Variants in RAB4B observed in about 807,000 individuals in gnomAD.
RAB4B encodes ras-related protein Rab-4B.
RAB4B carries 15 observed loss-of-function variants against 28.3 expected under a neutral mutation model. The observed-to-expected ratio is 0.53, with a 90% CI of 0.35 to 0.82. RAB4B has a LOEUF of 0.82. Among genes scored for constraint, RAB4B ranks in the 40% least tolerant of loss-of-function variants. The pLI is 0.01. For synonymous variants in RAB4B, 108 were observed against 116.3 expected, an observed-to-expected ratio of 0.93 and a Z score of 0.46; for missense variants, 244 against 288.5, an observed-to-expected ratio of 0.85 and a Z score of 1.12.
At chr19:40,792,581 T>C (rs1039854786) in intron 7 of RAB4B, 2 of 152,236 alleles carry the variant, frequency 1.3e-5, no homozygotes, top group Non-Finnish European at 2.9e-5. Flanking sequence ...AAGGACTGAC[T>C]GTAGCAGATC....
intron 5 of RAB4B, chr19:40,786,417 G>C: frequency 6.1e-6 from 3 of 488,356 alleles, no homozygotes; most frequent in Non-Finnish European, 1.1e-5. Context: ...GTCGGTACCT[G>C]ACTCAGCCCA....
chr19:40,789,018 G>A (rs2083131061), intron 7 of RAB4B, among the ~76,000 whole-genome samples: 1 of 151,772 alleles, frequency 6.6e-6, no homozygotes, highest in Non-Finnish European at 1.5e-5. Context: ...TTGACCTTGT[G>A]ATCTGCCCGC....
At chr19:40,795,169 CAA>C (rs1167818145) in intron 7 of RAB4B, among the ~76,000 whole-genome samples, 12 of 60,366 alleles carry the variant, frequency 2.0e-4, no homozygotes, top group Middle Eastern at 0.011. Context: ...GCTCCATCTC[CAA>C]AAAAAAAAAA....
At chr19:40,789,577 C>T (rs1459979366) in intron 7 of RAB4B, among the ~76,000 whole-genome samples, 1 of 148,530 alleles carries the variant, frequency 6.7e-6, no homozygotes, top group Non-Finnish European at 1.5e-5. Flanking sequence ...GATCTCGGCT[C>T]ACTGCAACCT....
intron 7 of RAB4B, among the ~76,000 whole-genome samples, chr19:40,791,702 C>A (rs994954538): frequency 6.6e-6 from 1 of 151,938 alleles, no homozygotes; most frequent in Non-Finnish European, 1.5e-5. Context: ...GGCGTGATTT[C>A]GGCTCACCGC....
intron 7 of RAB4B, among the ~76,000 whole-genome samples, chr19:40,792,807 G>A (rs1296745898): frequency 6.6e-6 from 1 of 151,866 alleles, no homozygotes; most frequent in Non-Finnish European, 1.5e-5. Context: ...TGGAGACAGA[G>A]TCTCGCTCTG....
intron 3 of RAB4B, 74 bp downstream of exon 3, chr19:40,780,573 C>CTCCAAGTGACTCT: frequency 1.6e-6 from 2 of 1,233,272 alleles, no homozygotes; most frequent in Non-Finnish European, 1.2e-6. Flanking sequence ...TGTGTAGAGT[C>CTCCAAGTGACTCT]ACTTGGAGAC....
Position 40,778,281 on chromosome 19 carries a change from GAGCCGGGGCTGT to G in RAB4B, c.-88_-77del. On this transcript the variant is annotated 5_prime_UTR_variant, in exon 1 of 8. Transcript: ENST00000357052. ...GGTGCCGGGCCCGGGGAGTAGGAAG[GAGCCGGGGCTGT>G]AGCCGGAGTGGAGCGGCTGCCAGCC... 7.8e-7 allele frequency: 1 copy of G among 1,278,206 alleles called. No individual in the cohort carries two copies. The highest frequency in any genetic ancestry group is 1.1e-6 in the Non-Finnish European group (1 of 946,940). 79.2% of individuals were successfully genotyped at this position (1,278,206 alleles called of 1,614,324 possible). A position where few individuals can be genotyped will look rare whatever the true frequency, so the allele number is the denominator to read the frequency against.
intron 3 of RAB4B, among the ~76,000 whole-genome samples, chr19:40,780,789 C>G: frequency 6.6e-6 from 1 of 151,832 alleles, no homozygotes; most frequent in South Asian, 2.1e-4. Flanking sequence ...AGTTTGAGAC[C>G]AGCCTGGGCA....
chr19:40,790,700 TCTCACTCTG>T (rs1174512381), intron 7 of RAB4B, among the ~76,000 whole-genome samples: 5 of 107,866 alleles, frequency 4.6e-5, no homozygotes, highest in African/African-American at 1.8e-4. Context: ...TTAGAGAGAA[TCTCACTCTG>T]CTCACTCTGT....
chr19:40,782,169 G>A (rs1031159896), intron 3 of RAB4B, among the ~76,000 whole-genome samples: 2 of 152,170 alleles, frequency 1.3e-5, no homozygotes, highest in African/African-American at 4.8e-5. Context: ...ACTGCCTGAG[G>A]TGCACAGAGC....
intron 7 of RAB4B, among the ~76,000 whole-genome samples, chr19:40,789,721 G>A (rs1177040550): frequency 6.7e-6 from 1 of 150,218 alleles, no homozygotes; most frequent in African/African-American, 2.5e-5. Context: ...GGTTGGTCTC[G>A]ATCTCTTGAC....
chr19:40,794,027 G>A (rs2083185228), intron 7 of RAB4B, among the ~76,000 whole-genome samples: 1 of 151,894 alleles, frequency 6.6e-6, no homozygotes, highest in East Asian at 1.9e-4. Flanking sequence ...AAGATTACAG[G>A]CATGAGCCAC....
intron 7 of RAB4B, among the ~76,000 whole-genome samples, chr19:40,791,896 G>A (rs1162339917): frequency 6.6e-6 from 1 of 152,174 alleles, no homozygotes; most frequent in Non-Finnish European, 1.5e-5. Context: ...AGCATCCAAA[G>A]TGCTGGAATT....
At chr19:40,790,147 T>G (rs2083143324) in intron 7 of RAB4B, among the ~76,000 whole-genome samples, 1 of 152,024 alleles carries the variant, frequency 6.6e-6, no homozygotes, top group South Asian at 2.1e-4. Context: ...AGGATCAGAT[T>G]CAGGGGTGCA....
At chr19:40,792,789 C>CT (rs796373074) in intron 7 of RAB4B, among the ~76,000 whole-genome samples, 9 of 151,012 alleles carry the variant, frequency 6.0e-5, no homozygotes, top group South Asian at 2.1e-4. Flanking sequence ...TTTTTCTTTT[C>CT]TTTTTTTTGG....
In RAB4B at chr19:40,786,840, C is replaced by T. The variant is rs1245474279; in HGVS notation, c.527-8C>T. The T allele has an allele frequency of 4.5e-5, 72 of 1,614,124 alleles. No homozygotes were observed. The highest frequency in any genetic ancestry group is 6.1e-5 in the Non-Finnish European group (72 of 1,179,990). On this transcript the variant is annotated splice_region_variant and splice_polypyrimidine_tract_variant and intron_variant, in intron 6 of 7. Transcript: ENST00000357052. ...GCAACCAATGCTGACCTCTCCCCTTCCCCACAGGCGAGCTAGACCCGGAGA... is the reference window on the plus strand; with the variant it reads ...GCAACCAATGCTGACCTCTCCCCTTTCCCACAGGCGAGCTAGACCCGGAGA...
In RAB4B at chr19:40,794,980, C is replaced by T. The variant is rs1407942390; in HGVS notation, c.*16-1590C>T. On this transcript the variant is annotated intron_variant, in intron 7 of 7. Coordinates refer to ENST00000357052, the MANE Select transcript of RAB4B (RefSeq NM_016154.5). The stretch of plus-strand genomic sequence containing the variant: ...TTGATCTGTAGATCAAGTGAAACCC[C>T]GTCTCTACTAAAAATACAAAAAAAA... Among the ~76,000 whole-genome samples, 13 of 129,520 alleles carry T rather than the reference C, an allele frequency of 1.0e-4. No homozygotes were observed. The Admixed American group carries it at 1.1e-3, about 11-fold the overall frequency. 85.0% of individuals were successfully genotyped at this position (129,520 alleles called of 152,430 possible).
chr19:40,783,682 G>C lies in RAB4B; in HGVS notation c.213-96G>C, dbSNP rs973719859. The C allele has an allele frequency of 6.4e-6, 8 of 1,254,714 alleles. No individual in the cohort carries two copies. The Admixed American group carries it at 1.2e-4, about 18-fold the overall frequency. 77.7% of individuals were successfully genotyped at this position (1,254,714 alleles called of 1,614,324 possible). A position where few individuals can be genotyped will look rare whatever the true frequency, so the allele number is the denominator to read the frequency against. On this transcript the variant is annotated intron_variant, in intron 3 of 7. Coordinates refer to ENST00000357052, the MANE Select transcript of RAB4B (RefSeq NM_016154.5). ...TTGGGGGATGGGCCAGCAGTGAAGG[G>C]GGGGGCCTCCGAACCACCAGTCTGT...
Sources: gnomAD v4.1 joint callset for allele counts (sites outside exome capture counted in the v4.1 genomes callset) on GRCh38, gnomAD v4.1.1 for gene constraint, MANE v1.5 for transcripts, NCBI Gene and HGNC (gene_info 2026-07-23, HGNC 2026-07-21) for gene names.